RIGI: variants seen among roughly 807,000 people sequenced by gnomAD.
RIGI encodes the protein antiviral innate immune response receptor RIG-I.
chr9:32,469,371 A>C, the RIGI span, among the ~76,000 whole-genome samples: 1 of 152,220 alleles, frequency 6.6e-6, no homozygotes, highest in African/African-American at 2.4e-5. Context: ...ATGTTGGGCC[A>C]ATCCAATTCT....
the RIGI span, among the ~76,000 whole-genome samples, chr9:32,524,596 G>GT: frequency 0.022 from 1,483 of 67,546 alleles, 176 homozygotes; most frequent in South Asian, 0.055. Flanking sequence ...TTGTTTTTCG[G>GT]TTTTTTTTTT....
chr9:32,483,823 A>C, the RIGI span, among the ~76,000 whole-genome samples: 1 of 151,862 alleles, frequency 6.6e-6, no homozygotes, highest in Non-Finnish European at 1.5e-5. Context: ...GGAAGTCCCT[A>C]TACTCTTTCT....
chr9:32,486,025 A>T, the RIGI span, among the ~76,000 whole-genome samples: 1 of 152,342 alleles, frequency 6.6e-6, no homozygotes, highest in Non-Finnish European at 1.5e-5. Flanking sequence ...CCTAATTATT[A>T]ATTGCCTGCA....
At chr9:32,492,124 A>AT in the RIGI span, among the ~76,000 whole-genome samples, 1 of 152,108 alleles carries the variant, frequency 6.6e-6, no homozygotes, top group Non-Finnish European at 1.5e-5. Flanking sequence ...GAGAGTTCGG[A>AT]TTTTGCCTTC....
At chr9:32,518,945 A>G in the RIGI span, among the ~76,000 whole-genome samples, 3 of 152,162 alleles carry the variant, frequency 2.0e-5, no homozygotes, top group African/African-American at 7.2e-5. Context: ...CCTGGCCTCA[A>G]GTGATTCACC....
the RIGI span, chr9:32,487,462 C>G: frequency 1.9e-6 from 3 of 1,613,060 alleles, no homozygotes; most frequent in Non-Finnish European, 2.5e-6. Flanking sequence ...GTTATTGGAT[C>G]CAACTTACAC....
chr9:32,485,382 C>T, the RIGI span: 24 of 787,174 alleles, frequency 3.0e-5, 1 homozygote, highest in Admixed American at 9.7e-5. Context: ...CTTTCTCTGC[C>T]TTTGATACTT....
chr9:32,466,690 CAAAAAAAAAAA>C, the RIGI span, among the ~76,000 whole-genome samples: 14 of 68,616 alleles, frequency 2.0e-4, no homozygotes, highest in African/African-American at 6.2e-4. Flanking sequence ...AGACCTATCT[CAAAAAAAAAAA>C]AAAAAAAAAA....
At chr9:32,526,073 A>G in the RIGI span, 1 of 1,613,422 alleles carries the variant, frequency 6.2e-7, no homozygotes, top group Non-Finnish European at 8.5e-7. Flanking sequence ...TCCCTAAACC[A>G]GGGGGCCATG....
chr9:32,488,919 T>A, the RIGI span: 1 of 1,561,400 alleles, frequency 6.4e-7, no homozygotes, highest in Admixed American at 1.9e-5. Context: ...AGAAAACATG[T>A]AACTCATATA....
At chr9:32,489,380 T>C in the RIGI span, 9 of 1,613,370 alleles carry the variant, frequency 5.6e-6, no homozygotes, top group African/African-American at 8.0e-5. Context: ...TTTCCTTTCA[T>C]AGCAGGCAAA....
At chr9:32,521,443 G>A in the RIGI span, among the ~76,000 whole-genome samples, 14 of 152,208 alleles carry the variant, frequency 9.2e-5, no homozygotes, top group Non-Finnish European at 1.5e-4. Flanking sequence ...GGGTAAATGT[G>A]TTTGTTTTAT....
the RIGI span, chr9:32,457,460 A>C: frequency 2.0e-6 from 3 of 1,508,932 alleles, no homozygotes; most frequent in Non-Finnish European, 2.7e-6. Context: ...AGAGAACGTT[A>C]GAACCAGTAC....
the RIGI span, chr9:32,489,429 G>A: frequency 3.7e-6 from 6 of 1,612,498 alleles, no homozygotes; most frequent in African/African-American, 6.7e-5. Context: ...TAAATGGGCT[G>A]TACAAGTTTG....
chr9:32,481,385 C>T, the RIGI span: 4 of 1,613,852 alleles, frequency 2.5e-6, no homozygotes, highest in South Asian at 2.2e-5. Context: ...AAATCCTGCT[C>T]TCTTCATCTT....
chr9:32,476,968 A>G, the RIGI span: 1 of 1,606,888 alleles, frequency 6.2e-7, no homozygotes, highest in Non-Finnish European at 8.5e-7. Flanking sequence ...ATCTACAAGG[A>G]GAAAAAAAGC....
the RIGI span, among the ~76,000 whole-genome samples, chr9:32,487,134 G>A: frequency 6.6e-5 from 10 of 152,216 alleles, no homozygotes; most frequent in African/African-American, 2.4e-4. Flanking sequence ...CACAGGCACA[G>A]AGCATGGGAA....
the RIGI span, among the ~76,000 whole-genome samples, chr9:32,495,270 C>T: frequency 6.6e-6 from 1 of 152,160 alleles, no homozygotes; most frequent in Non-Finnish European, 1.5e-5. Flanking sequence ...GGCACGATCT[C>T]GGCTCACTGC....
At chr9:32,521,160 A>AAAAAAAAAAAAAAAAAC in the RIGI span, among the ~76,000 whole-genome samples, 1 of 150,868 alleles carries the variant, frequency 6.6e-6, no homozygotes, top group Non-Finnish European at 1.5e-5. Flanking sequence ...AAAAAAAAAA[A>AAAAAAAAAAAAAAAAAC]AACTTCACAG....
Sources: allele counts gnomAD v4.1 joint callset (sites outside exome capture counted in the v4.1 genomes callset), GRCh38; gene constraint gnomAD v4.1.1; transcripts MANE v1.5; gene names NCBI Gene and HGNC (gene_info 2026-07-23, HGNC 2026-07-21).